Variants in RBFOX1 observed in about 807,000 individuals in gnomAD.
The protein encoded by RBFOX1 is RNA binding protein fox-1 homolog 1.
RBFOX1 carries 8 observed loss-of-function variants against 57.7 expected under a neutral mutation model. The observed-to-expected ratio is 0.14, with a 90% confidence interval of 0.08 to 0.25. The LOEUF is 0.25. Among genes scored for constraint, RBFOX1 ranks in the 10% least tolerant of loss-of-function variants. The pLI is 1.00. For synonymous variants in RBFOX1, 326 were observed against 222.4 expected (o/e 1.47, Z -4.15); for missense variants, 611 against 548.5 (o/e 1.11, Z -1.14).
intron 4 of RBFOX1, among the ~76,000 whole-genome samples, chr16:7,124,674 C>G (rs962185133): frequency 6.6e-6 from 1 of 151,310 alleles, no homozygotes; most frequent in Admixed American, 6.6e-5. Flanking sequence ...AAACGTGAAC[C>G]TCACAATACT....
chr16:6,994,094 C>G (rs1204591181), intron 3 of RBFOX1, among the ~76,000 whole-genome samples: 2 of 152,108 alleles, frequency 1.3e-5, no homozygotes, highest in Non-Finnish European at 2.9e-5. Context: ...TTGCTGACAT[C>G]TGTTGAAATG....
intron 1 of RBFOX1, among the ~76,000 whole-genome samples, chr16:5,459,527 C>G (rs1432902499): frequency 6.6e-6 from 1 of 152,160 alleles, no homozygotes; most frequent in Non-Finnish European, 1.5e-5. Flanking sequence ...AAATGGATGT[C>G]TCAAGGCCAT....
At chr16:7,547,636 G>C (rs1482939079) in intron 5 of RBFOX1, among the ~76,000 whole-genome samples, 1 of 152,182 alleles carries the variant, frequency 6.6e-6, no homozygotes, top group African/African-American at 2.4e-5. Flanking sequence ...ATGACAAATA[G>C]CTGCACCATT....
rs139630627 is a variant in RBFOX1 at position 7,140,349 on chromosome 16, C to T, written c.27+88251C>T. ...CTGACCACACAAAGTTTCTTTTCCC[C>T]ACTCTGAGTCTGTATGATAGGATTT... On this transcript the variant is annotated intron_variant, in intron 4 of 15. Coordinates refer to ENST00000550418, the MANE Select transcript of RBFOX1 (RefSeq NM_018723.4). 3.3e-3 allele frequency among the ~76,000 whole-genome samples: 492 copies of T among 148,294 alleles called. 2 individuals carry two copies. The highest frequency in any genetic ancestry group is 0.012 in the African/African-American group (472 of 40,262).
At chr16:6,843,239 C>G (rs757861542) in intron 3 of RBFOX1, among the ~76,000 whole-genome samples, 5 of 151,996 alleles carry the variant, frequency 3.3e-5, no homozygotes, top group South Asian at 2.1e-4. Context: ...TTCTGTGAAC[C>G]TTTTGCAAAG....
At chr16:6,548,698 C>G (rs756687902) in intron 2 of RBFOX1, among the ~76,000 whole-genome samples, 3 of 152,138 alleles carry the variant, frequency 2.0e-5, no homozygotes, top group Admixed American at 6.5e-5. Flanking sequence ...TTCACGATGT[C>G]GCAAGAACTC....
intron 3 of RBFOX1, among the ~76,000 whole-genome samples, chr16:5,671,993 C>T (rs530853888): frequency 6.6e-6 from 1 of 152,256 alleles, no homozygotes; most frequent in South Asian, 2.1e-4. Flanking sequence ...GTCCTATGTT[C>T]TTCAGGTAAC....
intron 3 of RBFOX1, among the ~76,000 whole-genome samples, chr16:5,754,031 A>T (rs1044700782): frequency 2.0e-5 from 3 of 152,174 alleles, no homozygotes; most frequent in Admixed American, 6.5e-5. Context: ...TCAAATGTCA[A>T]TGTGTATGTT....
chr16:7,605,971 T>A (rs2095268735), intron 9 of RBFOX1, among the ~76,000 whole-genome samples: 1 of 152,070 alleles, frequency 6.6e-6, no homozygotes, highest in Non-Finnish European at 1.5e-5. Flanking sequence ...GATTAGTTGT[T>A]ACTACTTTGT....
intron 2 of RBFOX1, among the ~76,000 whole-genome samples, chr16:6,527,471 G>A (rs2096597236): frequency 6.6e-6 from 1 of 152,108 alleles, no homozygotes; most frequent in Admixed American, 6.5e-5. Context: ...TGAAACACGT[G>A]GATAAATATT....
rs114445086 is a variant in RBFOX1, at chr16:5,515,208, C to T, written c.258+47954C>T. 9.3e-3 allele frequency among the ~76,000 whole-genome samples: 1,412 copies of T among 152,358 alleles called. 22 individuals carry two copies. The highest frequency in any genetic ancestry group is 0.032 in the African/African-American group (1,332 of 41,582). Reference sequence around the variant, plus strand: ...CATGTTATTTCGAGAGGACAAACATCCAGATTGTATCAGGTGGCCTGTGCC... The same window carrying T: ...CATGTTATTTCGAGAGGACAAACATTCAGATTGTATCAGGTGGCCTGTGCC... On this transcript the variant is annotated intron_variant, in intron 2 of 2. Coordinates refer to the RBFOX1 transcript ENST00000585867.
At chr16:7,536,030 C>T (rs1405106285) in intron 5 of RBFOX1, among the ~76,000 whole-genome samples, 1 of 152,150 alleles carries the variant, frequency 6.6e-6, no homozygotes, top group Non-Finnish European at 1.5e-5. Context: ...ACACAGAATA[C>T]ACACACACGT....
rs138209533 is a variant in RBFOX1, at chr16:6,052,366, G to A, written c.-127+32374G>A. On this transcript the variant is annotated intron_variant, in intron 1 of 15. Coordinates refer to ENST00000550418, the MANE Select transcript of RBFOX1 (RefSeq NM_018723.4). Reference sequence around the variant, plus strand: ...CTCTCTTCAGATGATTCTTTTTTGTGATGACTTCCACTGACCTTGGCCAGA... The same window carrying A: ...CTCTCTTCAGATGATTCTTTTTTGTAATGACTTCCACTGACCTTGGCCAGA... 9.2e-5 allele frequency among the ~76,000 whole-genome samples: 14 copies of A among 152,194 alleles called. 1 individual carries two copies. The highest frequency in any genetic ancestry group is 8.5e-4 in the Admixed American group (13 of 15,286).
At chr16:6,242,732 T>C (rs2097546670) in intron 1 of RBFOX1, among the ~76,000 whole-genome samples, 1 of 151,884 alleles carries the variant, frequency 6.6e-6, no homozygotes, top group Non-Finnish European at 1.5e-5. Context: ...TTATAGCCTG[T>C]GAAACTAGGG....
intron 4 of RBFOX1, among the ~76,000 whole-genome samples, chr16:7,159,985 C>G (rs74009272): frequency 0.016 from 2,387 of 152,226 alleles, 67 homozygotes; most frequent in African/African-American, 0.055. Context: ...AGTTGTCATA[C>G]TACTTAATTG....
In RBFOX1 at chr16:5,620,072, T is replaced by G. The variant is rs539778047; in HGVS notation, c.318+21111T>G. Among the ~76,000 whole-genome samples, 13 of 152,196 alleles carry G rather than the reference T, an allele frequency of 8.5e-5. No homozygotes were observed. The South Asian group carries it at 1.5e-3, about 17-fold the overall frequency. ...ACCTTCTGGGTTGGCGCCTACTGTT[T>G]CATTGGCCTCGCTTACTTTCCTAGT... On this transcript the variant is annotated intron_variant, in intron 3 of 19. Coordinates refer to the RBFOX1 transcript ENST00000641259.
At chr16:6,939,355 A>G (rs928486145) in intron 3 of RBFOX1, among the ~76,000 whole-genome samples, 11 of 151,792 alleles carry the variant, frequency 7.2e-5, no homozygotes, top group African/African-American at 2.7e-4. Flanking sequence ...AAATTGGTCC[A>G]AAGTTTTAGG....
chr16:5,983,232 T>C (rs887940516), intron 4 of RBFOX1, among the ~76,000 whole-genome samples: 20 of 152,174 alleles, frequency 1.3e-4, no homozygotes, highest in Non-Finnish European at 1.5e-5. Flanking sequence ...CCTCAGAAAG[T>C]GGCAGATCCA....
intron 4 of RBFOX1, among the ~76,000 whole-genome samples, chr16:7,093,659 C>T (rs1379555147): frequency 6.6e-6 from 1 of 152,180 alleles, no homozygotes; most frequent in Admixed American, 6.5e-5. Flanking sequence ...TCTTCCCCCT[C>T]TAGCTTAACC....
Sources: gnomAD v4.1 joint callset for allele counts (sites outside exome capture counted in the v4.1 genomes callset) on GRCh38, gnomAD v4.1.1 for gene constraint, MANE v1.5 for transcripts, NCBI Gene and HGNC (gene_info 2026-07-23, HGNC 2026-07-21) for gene names.